The following CDH13 variants were observed in gnomAD, a reference collection of about 807,000 sequenced individuals.
The protein encoded by CDH13 is cadherin-13.
In CDH13, 24 loss-of-function variants were observed where a neutral mutation model predicts 63.8. The observed-to-expected ratio is 0.38, with a 90% CI of 0.27 to 0.53. The LOEUF (loss-of-function observed/expected upper bound fraction) is 0.53. CDH13 is among the 20% of genes least tolerant of loss of function. The pLI is 0.85. For missense variants in CDH13, 1,049 were observed against 903.1 expected (o/e 1.16, Z -2.07); for synonymous variants, 503 against 355.3 (o/e 1.42, Z -4.67).
chr16:83,033,899 G>A (rs113112229), intron 3 of CDH13, among the ~76,000 whole-genome samples: 9 of 152,160 alleles, frequency 5.9e-5, no homozygotes, highest in African/African-American at 1.4e-4. Flanking sequence ...GGTCTTCCTC[G>A]ATTTTTCACA....
chr16:83,715,075 G>C (rs1908681017), intron 10 of CDH13, among the ~76,000 whole-genome samples: 1 of 152,130 alleles, frequency 6.6e-6, no homozygotes, highest in Non-Finnish European at 1.5e-5. Flanking sequence ...ATCATTTAGA[G>C]TATTTCTTCA....
rs528917109 is a variant in CDH13, at chr16:82,905,292, G to A, written c.157+46819G>A. ...AGGTTAAGCAACTTGCTCAGGTCAC[G>A]CAGCAATTTATAATATAACAAGATA... On this transcript the variant is annotated intron_variant, in intron 2 of 13. Transcript: ENST00000567109. Among the ~76,000 whole-genome samples, 5 of 152,228 alleles carry A rather than the reference G, an allele frequency of 3.3e-5. No homozygotes were observed. The East Asian group carries it at 5.8e-4, about 18-fold the overall frequency.
At chr16:83,694,265 C>T (rs1388909269) in intron 10 of CDH13, among the ~76,000 whole-genome samples, 1 of 152,196 alleles carries the variant, frequency 6.6e-6, no homozygotes, top group Non-Finnish European at 1.5e-5. Context: ...TGTTCACCCC[C>T]ACATCACTCA....
intron 4 of CDH13, among the ~76,000 whole-genome samples, chr16:83,128,317 T>C (rs898941644): frequency 6.6e-6 from 1 of 152,188 alleles, no homozygotes; most frequent in African/African-American, 2.4e-5. Flanking sequence ...TAGCATCGCC[T>C]GGGAGCTTGC....
intron 7 of CDH13, among the ~76,000 whole-genome samples, chr16:83,561,229 C>G (rs1186695365): frequency 4.6e-5 from 7 of 151,786 alleles, no homozygotes; most frequent in African/African-American, 1.5e-4. Context: ...GGCAGTTCAC[C>G]TGAGGTTGGG....
At chr16:83,294,764 C>T (rs369798339) in intron 5 of CDH13, among the ~76,000 whole-genome samples, 5 of 151,950 alleles carry the variant, frequency 3.3e-5, no homozygotes, top group Admixed American at 6.6e-5. Context: ...ATCCCATGTT[C>T]GTGGATTGCC....
At chr16:82,648,049 A>T (rs1198216674) in intron 1 of CDH13, among the ~76,000 whole-genome samples, 1 of 152,214 alleles carries the variant, frequency 6.6e-6, no homozygotes, top group African/African-American at 2.4e-5. Context: ...CATGTGAGAC[A>T]TGCCTTTACT....
At chr16:82,905,914 C>G (rs1444026903) in intron 2 of CDH13, among the ~76,000 whole-genome samples, 9 of 152,150 alleles carry the variant, frequency 5.9e-5, no homozygotes, top group Admixed American at 5.9e-4. Context: ...TCTCCTTTTT[C>G]TCTTTTCCCA....
At chr16:83,589,415 C>T (rs1453246980) in intron 7 of CDH13, among the ~76,000 whole-genome samples, 1 of 143,836 alleles carries the variant, frequency 7.0e-6, no homozygotes, top group Admixed American at 6.8e-5. Context: ...CCATCTACTC[C>T]CGCTGACACT....
chr16:83,331,908 G>A (rs1318044843), intron 5 of CDH13, among the ~76,000 whole-genome samples: 1 of 152,022 alleles, frequency 6.6e-6, no homozygotes, highest in East Asian at 1.9e-4. Flanking sequence ...ATTGTAATGA[G>A]TATACATGTT....
At chr16:83,183,752 A>G (rs2038421838) in intron 4 of CDH13, among the ~76,000 whole-genome samples, 1 of 152,230 alleles carries the variant, frequency 6.6e-6, no homozygotes, top group Non-Finnish European at 1.5e-5. Context: ...GTGGTAGTCT[A>G]GTCTCAGACA....
chr16:82,640,231 G>C (rs1909227741), intron 1 of CDH13, among the ~76,000 whole-genome samples: 1 of 152,204 alleles, frequency 6.6e-6, no homozygotes, highest in Non-Finnish European at 1.5e-5. Flanking sequence ...TGTTCTGATG[G>C]AATGGCCTTT....
At chr16:83,251,141 T>C (rs763072241) in intron 5 of CDH13, among the ~76,000 whole-genome samples, 9 of 152,090 alleles carry the variant, frequency 5.9e-5, no homozygotes, top group Non-Finnish European at 1.2e-4. Context: ...TGTATCCTAG[T>C]TGGGAAGTCA....
At chr16:83,072,497 C>T (rs767999578) in intron 3 of CDH13, among the ~76,000 whole-genome samples, 6 of 152,284 alleles carry the variant, frequency 3.9e-5, no homozygotes, top group Non-Finnish European at 7.4e-5. Context: ...CCTGTCCTCT[C>T]TGCAACCAGC....
chr16:83,734,713 C>G (rs1911368007), intron 10 of CDH13, among the ~76,000 whole-genome samples: 1 of 91,306 alleles, frequency 1.1e-5, no homozygotes. Flanking sequence ...GCACATGTAC[C>G]TTAAAACTTA....
chr16:82,937,765 C>G (rs937332513), intron 2 of CDH13, among the ~76,000 whole-genome samples: 3 of 152,150 alleles, frequency 2.0e-5, no homozygotes, highest in Admixed American at 2.0e-4. Flanking sequence ...CCACATATAA[C>G]CTATTTTATA....
chr16:82,766,863 A>G (rs1167047128), intron 1 of CDH13, among the ~76,000 whole-genome samples: 2 of 152,166 alleles, frequency 1.3e-5, no homozygotes, highest in Non-Finnish European at 2.9e-5. Flanking sequence ...CCGACATACA[A>G]TATTTTTAGA....
At chr16:82,667,821 T>C (rs560504803) in intron 1 of CDH13, among the ~76,000 whole-genome samples, 2 of 152,294 alleles carry the variant, frequency 1.3e-5, no homozygotes, top group African/African-American at 2.4e-5. Context: ...TCTTGCTATG[T>C]CAGGCATTCA....
intron 5 of CDH13, among the ~76,000 whole-genome samples, chr16:83,312,486 A>G (rs993928262): frequency 2.0e-5 from 3 of 152,282 alleles, no homozygotes; most frequent in Non-Finnish European, 2.9e-5. Flanking sequence ...ACCACCTTCA[A>G]TTCATGTGCC....
Sources: allele counts gnomAD v4.1 joint callset (sites outside exome capture counted in the v4.1 genomes callset), GRCh38; gene constraint gnomAD v4.1.1; transcripts MANE v1.5; gene names NCBI Gene and HGNC (gene_info 2026-07-23, HGNC 2026-07-21).